Variants in ZNF532 observed in about 807,000 individuals in gnomAD.
The protein encoded by ZNF532 is zinc finger protein 532.
A neutral mutation model predicts 89.3 loss-of-function variants in ZNF532; 22 were observed. The observed-to-expected ratio is 0.25, with a 90% CI of 0.18 to 0.35. The LOEUF (loss-of-function observed/expected upper bound fraction) is 0.35, where lower values mean the gene tolerates loss of function less well. ZNF532 is among the 10% of genes least tolerant of loss of function. The pLI, the probability that ZNF532 is intolerant of heterozygous loss-of-function variation, is 1.00. For missense variants in ZNF532, 1,132 were observed against 1,643.4 expected (o/e 0.69, Z 5.38); for synonymous variants, 606 against 649.6 (o/e 0.93, Z 1.02).
chr18:58,897,678 C>T (rs1457763975), intron 2 of ZNF532, among the ~76,000 whole-genome samples: 1 of 152,164 alleles, frequency 6.6e-6, no homozygotes, highest in African/African-American at 2.4e-5. Flanking sequence ...ATTGGCTGGG[C>T]GCGGTGGCTC....
intron 4 of ZNF532, 89 bp downstream of exon 4, chr18:58,934,703 G>T: frequency 1.5e-6 from 2 of 1,299,624 alleles, no homozygotes; most frequent in South Asian, 1.4e-5. Flanking sequence ...CAGTTTTCTG[G>T]GTCATACGGT....
At chr18:58,875,844 G>C (rs2057376955) in intron 2 of ZNF532, among the ~76,000 whole-genome samples, 1 of 151,592 alleles carries the variant, frequency 6.6e-6, no homozygotes, top group Middle Eastern at 3.4e-3. Flanking sequence ...GCTCCAGTTT[G>C]CTGCTGGTGT....
At chr18:58,873,670 A>T (rs557271641) in intron 2 of ZNF532, among the ~76,000 whole-genome samples, 2 of 151,906 alleles carry the variant, frequency 1.3e-5, no homozygotes, top group African/African-American at 4.8e-5. Context: ...CTATCTCCTG[A>T]CCTCAGGTGA....
chr18:58,984,375 C>T lies in ZNF532; in HGVS notation c.3815C>T (p.Thr1272Ile). ...SDRKCKVCAK[T>I]FETEAALNTH... ...AGAAAGTGCAAAGTGTGCGCAAAAA[C>T]TTTTGAAACTGAAGCTGCCTTAAAT... The change falls in exon 10 of 10, where the codon ACT (threonine) becomes ATT (isoleucine). Residue 1272 changes from threonine to isoleucine, a missense_variant. Around this residue, in one of 9 missense-constraint regions of ZNF532, gnomAD observed 415 missense variants for 604.8 expected, o/e 0.69. Coordinates refer to ENST00000591808, the MANE Select transcript of ZNF532 (RefSeq NM_001375912.1). The T allele has an allele frequency of 6.2e-7, 1 of 1,612,012 alleles. No individual in the cohort carries two copies. The highest frequency in any genetic ancestry group is 1.1e-5 in the South Asian group (1 of 90,990).
chr18:58,910,449 T>C (rs2060209495), intron 2 of ZNF532, among the ~76,000 whole-genome samples: 1 of 152,180 alleles, frequency 6.6e-6, no homozygotes, highest in South Asian at 2.1e-4. Flanking sequence ...ATTTAATATT[T>C]ACACACAGTG....
chr18:58,924,372 G>A (rs138191490), intron 3 of ZNF532, among the ~76,000 whole-genome samples: 2 of 152,330 alleles, frequency 1.3e-5, no homozygotes, highest in Non-Finnish European at 2.9e-5. Context: ...GCACATTAGT[G>A]TCTAGTTAGT....
Position 58,919,250 on chromosome 18 carries a change from C to G in ZNF532, c.963C>G (p.Ile321Met). The change falls in exon 3 of 10, where the codon ATC becomes ATG. Residue 321 changes from isoleucine (I) to methionine (M), a missense_variant. Coordinates refer to ENST00000591808, the MANE Select transcript of ZNF532 (RefSeq NM_001375912.1). The surrounding 1 kb of genome is among the most constrained non-coding windows in gnomAD (Gnocchi z 6.1). Reference sequence around the variant, plus strand: ...AGTCTCCTGAATCCCAGAATCTCATCGACGGGACCAAAAAACCATCCCTGA... The same window carrying G: ...AGTCTCCTGAATCCCAGAATCTCATGGACGGGACCAAAAAACCATCCCTGA... The part of the protein sequence containing the change: ...ADKSPESQNL[I>M]DGTKKPSLKQ... 1 of 1,614,052 alleles carries G rather than the reference C, an allele frequency of 6.2e-7. No homozygotes were observed. Among genetic ancestry groups the G allele is most frequent in the Non-Finnish European group, 8.5e-7 (1 of 1,179,940 alleles).
At chr18:58,968,632 G>T (rs531591255) in intron 7 of ZNF532, among the ~76,000 whole-genome samples, 11 of 152,314 alleles carry the variant, frequency 7.2e-5, no homozygotes, top group Non-Finnish European at 1.6e-4. Context: ...CAGGTAGAGC[G>T]TAGACATAGA....
chr18:58,930,355 A>G (rs1216086285), intron 3 of ZNF532, among the ~76,000 whole-genome samples: 1 of 152,172 alleles, frequency 6.6e-6, no homozygotes, highest in East Asian at 1.9e-4. Flanking sequence ...TACCGGGCGC[A>G]GTGGCTCACG....
intron 2 of ZNF532, among the ~76,000 whole-genome samples, chr18:58,885,669 A>T (rs896073365): frequency 6.6e-6 from 1 of 152,060 alleles, no homozygotes; most frequent in East Asian, 2.0e-4. Context: ...AGCCTGGCCA[A>T]CATGGTGAAA....
At chr18:58,888,898 T>TA (rs1369173525) in intron 2 of ZNF532, among the ~76,000 whole-genome samples, 1 of 78,988 alleles carries the variant, frequency 1.3e-5, no homozygotes, top group Non-Finnish European at 2.4e-5. Flanking sequence ...ATTTTATATA[T>TA]ATATATATAT....
intron 5 of ZNF532, among the ~76,000 whole-genome samples, chr18:58,945,097 C>A (rs928224003): frequency 3.3e-5 from 5 of 152,250 alleles, no homozygotes; most frequent in African/African-American, 1.2e-4. Flanking sequence ...GAGATCTTAT[C>A]TGGGTGTACA....
chr18:58,870,557 A>G (rs906481168), intron 2 of ZNF532, among the ~76,000 whole-genome samples: 10 of 152,000 alleles, frequency 6.6e-5, no homozygotes, highest in Admixed American at 2.0e-4. Flanking sequence ...TTGAGGATGG[A>G]CTTCTGTGTA....
chr18:58,931,424 G>A (rs957065607), intron 3 of ZNF532, among the ~76,000 whole-genome samples: 4 of 152,154 alleles, frequency 2.6e-5, no homozygotes, highest in African/African-American at 7.2e-5. Flanking sequence ...TGAATTCAAA[G>A]CATTAGAAAA....
At chr18:58,966,763 T>G (rs1457041009) in intron 7 of ZNF532, among the ~76,000 whole-genome samples, 1 of 150,822 alleles carries the variant, frequency 6.6e-6, no homozygotes, top group African/African-American at 2.4e-5. Flanking sequence ...TTTTTTTTCT[T>G]TCAGGTTCTT....
intron 2 of ZNF532, among the ~76,000 whole-genome samples, chr18:58,882,281 G>T (rs1376634218): frequency 6.6e-6 from 1 of 152,182 alleles, no homozygotes; most frequent in Non-Finnish European, 1.5e-5. Flanking sequence ...TTGTTAACTT[G>T]TTCTTTCCTT....
chr18:58,975,736 A>G (rs930248069), intron 7 of ZNF532, among the ~76,000 whole-genome samples: 1 of 152,244 alleles, frequency 6.6e-6, no homozygotes, highest in African/African-American at 2.4e-5. Flanking sequence ...TTTACTCTCA[A>G]AAAGTTTTAT....
At chr18:58,965,470 A>G (rs1480185904) in intron 7 of ZNF532, among the ~76,000 whole-genome samples, 1 of 152,260 alleles carries the variant, frequency 6.6e-6, no homozygotes, top group East Asian at 1.9e-4. Context: ...CTGACATTTC[A>G]AAAGCTGCTT....
chr18:58,979,234 G>T, intron 8 of ZNF532, 67 bp downstream of exon 8: 2 of 1,208,600 alleles, frequency 1.7e-6, no homozygotes, highest in Middle Eastern at 1.9e-4. Flanking sequence ...GGTTTTTAGT[G>T]TAGTACCATT....
Sources: allele counts gnomAD v4.1 joint callset (sites outside exome capture counted in the v4.1 genomes callset), GRCh38; gene constraint gnomAD v4.1.1; regional missense constraint gnomAD v4.1.1; non-coding constraint Gnocchi (gnomAD v3.1); transcripts MANE v1.5; gene names NCBI Gene and HGNC (gene_info 2026-07-23, HGNC 2026-07-21).